GMDS: variants seen among roughly 807,000 people sequenced by gnomAD.
GMDS encodes the protein GDP-mannose 4,6 dehydratase.
Under a neutral mutation model 49.9 loss-of-function variants are expected in GMDS, and 20 were observed. That is an observed-to-expected ratio of 0.40 (90% CI 0.28 to 0.58). The LOEUF is 0.58. GMDS is among the 20% of genes least tolerant of loss of function. GMDS has a pLI of 0.42. For synonymous variants in GMDS, 177 were observed against 178.6 expected, an observed-to-expected ratio of 0.99 and a Z score of 0.07; for missense variants, 362 against 481.4, an observed-to-expected ratio of 0.75 and a Z score of 2.32.
intron 1 of GMDS, among the ~76,000 whole-genome samples, chr6:2,143,702 T>C (rs1776419818): frequency 6.6e-6 from 1 of 152,152 alleles, no homozygotes; most frequent in African/African-American, 2.4e-5. Flanking sequence ...TCTTAGCAAA[T>C]CTTGAGGCAT....
At chr6:1,978,631 C>G (rs1765052776) in intron 4 of GMDS, among the ~76,000 whole-genome samples, 1 of 152,198 alleles carries the variant, frequency 6.6e-6, no homozygotes, top group Non-Finnish European at 1.5e-5. Context: ...GGCAGAGCGC[C>G]TGAGTGGTGG....
chr6:1,633,144 G>A (rs1279320665), intron 9 of GMDS, among the ~76,000 whole-genome samples: 1 of 152,126 alleles, frequency 6.6e-6, no homozygotes, highest in Non-Finnish European at 1.5e-5. Context: ...TAGGAAAAAC[G>A]ATTCTTTTCA....
intron 9 of GMDS, among the ~76,000 whole-genome samples, chr6:1,634,223 C>G (rs137935885): frequency 5.3e-4 from 81 of 152,324 alleles, no homozygotes; most frequent in Non-Finnish European, 1.1e-3. Flanking sequence ...TAGGGATCAC[C>G]AGAGGCAGTA....
intron 7 of GMDS, among the ~76,000 whole-genome samples, chr6:1,829,012 G>T (rs1279120586): frequency 1.3e-5 from 2 of 152,196 alleles, no homozygotes; most frequent in African/African-American, 4.8e-5. Flanking sequence ...TTACAATGAA[G>T]AAAGCTACGG....
In GMDS at chr6:1,705,327, G is replaced by A. The variant is rs565973337; in HGVS notation, c.987+21089C>T. 6.3e-4 allele frequency among the ~76,000 whole-genome samples: 96 copies of A among 152,310 alleles called. 2 individuals are homozygous for A. The highest frequency in any genetic ancestry group is 2.3e-3 in the African/African-American group (94 of 41,574). ...GGTGATGGGCACAAAACACACAGGT[G>A]GACATTTGCCCTGTGCTGCCAGGAC... is the stretch of plus-strand genomic sequence containing the variant. On this transcript the variant is annotated intron_variant, in intron 9 of 10. Coordinates refer to ENST00000380815, the MANE Select transcript of GMDS (RefSeq NM_001500.4).
At chr6:1,697,585 C>T (rs1765389188) in intron 9 of GMDS, among the ~76,000 whole-genome samples, 1 of 152,218 alleles carries the variant, frequency 6.6e-6, no homozygotes, top group Non-Finnish European at 1.5e-5. Flanking sequence ...AAAGTATGGT[C>T]CCCAAACCAG....
rs768324078 is a variant in GMDS at position 1,930,211 on chromosome 6, T to C, written c.663A>G (p.Arg221=). The C allele has an allele frequency of 3.7e-6, 6 of 1,613,032 alleles. No individual in the cohort carries two copies. The Admixed American group carries it at 1.0e-4, about 27-fold the overall frequency. The change falls in exon 7 of 11, where the codon CGA becomes CGG. Residue 221 remains arginine (R), a synonymous_variant. Coordinates refer to ENST00000380815, the MANE Select transcript of GMDS (RefSeq NM_001500.4). ...TCTTAGCTACTGACCGGCTAATTTT[T>C]CGAGTAACGAAATTAGCTCCTAAAA... is the stretch of plus-strand genomic sequence containing the variant. The part of the protein sequence containing the change: ...SPRRGANFVT[R]KISRSVAKIY...
At chr6:1,852,757 A>G (rs1215671210) in intron 7 of GMDS, among the ~76,000 whole-genome samples, 1 of 150,600 alleles carries the variant, frequency 6.6e-6, no homozygotes. Flanking sequence ...CCCAGGCTAG[A>G]GTGCAATGGT....
intron 7 of GMDS, among the ~76,000 whole-genome samples, chr6:1,850,262 G>A (rs11968685): frequency 0.028 from 4,292 of 152,180 alleles, 198 homozygotes; most frequent in African/African-American, 0.097. Context: ...TTCTGGTTTC[G>A]CTTCAGTGTC....
At chr6:2,200,929 A>G (rs1779496185) in intron 1 of GMDS, among the ~76,000 whole-genome samples, 2 of 145,982 alleles carry the variant, frequency 1.4e-5, no homozygotes, top group South Asian at 2.3e-4. Flanking sequence ...CAGTGAGGGC[A>G]GCATGTTAGC....
At chr6:2,124,338 G>A (rs1194891435) in intron 2 of GMDS, among the ~76,000 whole-genome samples, 2 of 152,178 alleles carry the variant, frequency 1.3e-5, no homozygotes, top group African/African-American at 4.8e-5. Context: ...TGAATTAAGT[G>A]ACTTCATGGT....
At chr6:1,885,361 T>G (rs1264233913) in intron 7 of GMDS, among the ~76,000 whole-genome samples, 1 of 152,208 alleles carries the variant, frequency 6.6e-6, no homozygotes, top group Non-Finnish European at 1.5e-5. Context: ...TGGTTCTGCT[T>G]GTTTATCTTT....
chr6:1,852,620 CTTTT>C (rs903841727), intron 7 of GMDS, among the ~76,000 whole-genome samples: 1 of 150,862 alleles, frequency 6.6e-6, no homozygotes, highest in African/African-American at 2.4e-5. Context: ...TTCTTAGTGT[CTTTT>C]TTTTTCTCTT....
At chr6:1,970,511 G>A (rs550624310) in intron 4 of GMDS, among the ~76,000 whole-genome samples, 26 of 152,330 alleles carry the variant, frequency 1.7e-4, no homozygotes. Flanking sequence ...GAGAGAAGGC[G>A]CTACCCGACC....
chr6:1,944,388 C>A (rs1561911326), intron 6 of GMDS, among the ~76,000 whole-genome samples: 1 of 152,094 alleles, frequency 6.6e-6, no homozygotes. Flanking sequence ...GCCTGTAGTC[C>A]CAGCTGCTCG....
intron 9 of GMDS, among the ~76,000 whole-genome samples, chr6:1,638,190 G>C (rs1036616693): frequency 1.3e-5 from 2 of 152,096 alleles, no homozygotes; most frequent in Non-Finnish European, 2.9e-5. Flanking sequence ...AAACAAAGGT[G>C]GGGGGCATGA....
chr6:1,769,854 G>A (rs899332002), intron 7 of GMDS, among the ~76,000 whole-genome samples: 2 of 152,038 alleles, frequency 1.3e-5, no homozygotes, highest in East Asian at 1.9e-4. Context: ...AGCCTTCCAA[G>A]TAGCTGGGAT....
At chr6:1,685,735 G>A (rs1764953405) in intron 9 of GMDS, among the ~76,000 whole-genome samples, 1 of 152,130 alleles carries the variant, frequency 6.6e-6, no homozygotes, top group Non-Finnish European at 1.5e-5. Context: ...CAGGAAAAAC[G>A]GAGTGAAGAG....
intron 9 of GMDS, among the ~76,000 whole-genome samples, chr6:1,638,448 A>G (rs949641965): frequency 1.3e-5 from 2 of 152,068 alleles, no homozygotes; most frequent in African/African-American, 4.8e-5. Flanking sequence ...CCTGAACTTT[A>G]TACTTATGAG....
Sources: allele counts gnomAD v4.1 joint callset (sites outside exome capture counted in the v4.1 genomes callset), GRCh38; gene constraint gnomAD v4.1.1; transcripts MANE v1.5; gene names NCBI Gene and HGNC (gene_info 2026-07-23, HGNC 2026-07-21).